TMEM132D: variants seen among roughly 807,000 people sequenced by gnomAD.
TMEM132D encodes the protein transmembrane protein 132D, also known as mature OL transmembrane protein.
TMEM132D carries 21 observed loss-of-function variants against 62.3 expected under a neutral mutation model. The observed-to-expected ratio is 0.34, with a 90% CI of 0.24 to 0.49. The LOEUF (loss-of-function observed/expected upper bound fraction) is 0.49, where lower values mean the gene tolerates loss of function less well. Ranked by LOEUF, TMEM132D falls within the 20% of genes least tolerant of loss-of-function variation. TMEM132D has a pLI of 0.99. For missense variants in TMEM132D, 1,346 were observed against 1,402.8 expected (o/e 0.96, Z 0.65); for synonymous variants, 621 against 575.6 (o/e 1.08, Z -1.13).
chr12:129,154,187 G>C (rs1350673763), intron 5 of TMEM132D, among the ~76,000 whole-genome samples: 1 of 152,154 alleles, frequency 6.6e-6, no homozygotes, highest in Non-Finnish European at 1.5e-5. Flanking sequence ...ATGTGAGGTG[G>C]TGCATTTGTG....
chr12:129,871,371 A>G (rs1023688726), intron 1 of TMEM132D, among the ~76,000 whole-genome samples: 3 of 152,094 alleles, frequency 2.0e-5, no homozygotes, highest in Non-Finnish European at 2.9e-5. Context: ...AAATAAAATA[A>G]GGCAAGCTGT....
At chr12:129,531,325 T>C in intron 2 of TMEM132D, 120 bp from the exon 3 acceptor site, 1 of 1,215,704 alleles carries the variant, frequency 8.2e-7, no homozygotes, top group South Asian at 2.3e-5. Context: ...AGCTCATGTA[T>C]ACTAGGATTT....
intron 5 of TMEM132D, among the ~76,000 whole-genome samples, chr12:129,153,302 A>G (rs1402699804): frequency 6.6e-6 from 1 of 152,180 alleles, no homozygotes; most frequent in Non-Finnish European, 1.5e-5. Flanking sequence ...TTCTTCGGGG[A>G]GTTGCTGCTC....
intron 2 of TMEM132D, among the ~76,000 whole-genome samples, chr12:129,689,439 G>T (rs552439871): frequency 2.8e-5 from 4 of 142,950 alleles, no homozygotes; most frequent in Admixed American, 2.8e-4. Flanking sequence ...TGGCTTCCCT[G>T]CCTCTCTAAG....
chr12:129,761,045 A>G (rs1346429241), intron 1 of TMEM132D, among the ~76,000 whole-genome samples: 2 of 151,962 alleles, frequency 1.3e-5, no homozygotes, highest in Admixed American at 6.6e-5. Flanking sequence ...AAAAGAAAAA[A>G]AAAACAGGCG....
intron 2 of TMEM132D, among the ~76,000 whole-genome samples, chr12:129,539,435 C>T (rs1200492912): frequency 4.9e-5 from 7 of 142,670 alleles, no homozygotes; most frequent in Non-Finnish European, 1.5e-5. Flanking sequence ...GACGGAGTCT[C>T]ACTCTGTCAC....
chr12:129,710,982 AC>A (rs1355698218), intron 1 of TMEM132D, among the ~76,000 whole-genome samples: 2 of 150,042 alleles, frequency 1.3e-5, no homozygotes, highest in East Asian at 2.0e-4. Context: ...CCTCTCCCCT[AC>A]CCACGCGCAT....
Position 129,294,266 on chromosome 12 carries a change from G to A in TMEM132D, c.1299+43368C>T, listed in dbSNP as rs181994263. Among the ~76,000 whole-genome samples the A allele has an allele frequency of 5.3e-5, 8 of 152,290 alleles. No individual in the cohort carries two copies. In the East Asian group the frequency reaches 1.5e-3, roughly 29 times the overall value. ...TAATCAATGGCTGGCAGGTCTTTAT[G>A]TCTGTCCCCTAATCTGTAAAACAAG... On this transcript the variant is annotated intron_variant, in intron 4 of 8. Coordinates refer to ENST00000422113, the MANE Select transcript of TMEM132D (RefSeq NM_133448.3).
chr12:129,139,758 C>G (rs1469059624), intron 5 of TMEM132D, among the ~76,000 whole-genome samples: 1 of 152,144 alleles, frequency 6.6e-6, no homozygotes, highest in Non-Finnish European at 1.5e-5. Flanking sequence ...GTAGTGTGAT[C>G]ACAGATCTCT....
chr12:129,261,470 T>C (rs1316719573), intron 4 of TMEM132D, among the ~76,000 whole-genome samples: 2 of 152,252 alleles, frequency 1.3e-5, no homozygotes, highest in Non-Finnish European at 2.9e-5. Context: ...TCCGCCATGA[T>C]TGTGAGGCCT....
At chr12:129,472,751 A>G (rs888603013) in intron 3 of TMEM132D, among the ~76,000 whole-genome samples, 1 of 152,222 alleles carries the variant, frequency 6.6e-6, no homozygotes, top group Admixed American at 6.5e-5. Flanking sequence ...CGGATTCTTC[A>G]ATTTTGAAAG....
chr12:129,682,119 G>A (rs1880792660), intron 2 of TMEM132D, among the ~76,000 whole-genome samples: 1 of 152,110 alleles, frequency 6.6e-6, no homozygotes, highest in Non-Finnish European at 1.5e-5. Context: ...TAAGTCAGAG[G>A]TAATCTGCTA....
chr12:129,098,127 C>T (rs907425243), intron 5 of TMEM132D, among the ~76,000 whole-genome samples: 1 of 152,164 alleles, frequency 6.6e-6, no homozygotes, highest in African/African-American at 2.4e-5. Flanking sequence ...AGAGGACTGA[C>T]GTGACTCAAG....
intron 5 of TMEM132D, chr12:129,110,344 C>G (rs1463700554): frequency 6.6e-6 from 1 of 151,980 alleles, no homozygotes; most frequent in African/African-American, 2.4e-5. Context: ...TGTCTACCCT[C>G]CCTCCCGACC....
Position 129,088,048 on chromosome 12 carries a change from C to T in TMEM132D, c.1444-3346G>A, listed in dbSNP as rs1428439649. Among the ~76,000 whole-genome samples, 13 of 58,090 alleles carry T rather than the reference C, an allele frequency of 2.2e-4. 2 individuals are homozygous for T. Among genetic ancestry groups the T allele is most frequent in the Non-Finnish European group, 4.1e-4 (13 of 31,810 alleles). 38.1% of individuals were successfully genotyped at this position (58,090 alleles called of 152,430 possible). Reference sequence around the variant, plus strand: ...CCATGACCGGGGTGTCCTCTATGACCGGGTGTCCTCCATGACCGGGGTGTC... The same window carrying T: ...CCATGACCGGGGTGTCCTCTATGACTGGGTGTCCTCCATGACCGGGGTGTC... On this transcript the variant is annotated intron_variant, in intron 5 of 8. Coordinates refer to ENST00000422113, the MANE Select transcript of TMEM132D (RefSeq NM_133448.3).
intron 2 of TMEM132D, among the ~76,000 whole-genome samples, chr12:129,694,228 C>T (rs574377732): frequency 6.6e-5 from 10 of 152,294 alleles, no homozygotes; most frequent in African/African-American, 1.7e-4. Context: ...TACGCACCCT[C>T]GATGTGATAA....
intron 5 of TMEM132D, among the ~76,000 whole-genome samples, chr12:129,142,334 T>C (rs1210935073): frequency 6.6e-6 from 1 of 152,176 alleles, no homozygotes; most frequent in South Asian, 2.1e-4. Context: ...AATAAGATCA[T>C]ATCCCCCAAA....
At chr12:129,767,730 T>C (rs1056356684) in intron 1 of TMEM132D, among the ~76,000 whole-genome samples, 4 of 152,238 alleles carry the variant, frequency 2.6e-5, no homozygotes, top group African/African-American at 9.6e-5. Context: ...CTTTATCCAT[T>C]CATCCATCAA....
intron 2 of TMEM132D, among the ~76,000 whole-genome samples, chr12:129,620,165 G>T (rs1879026673): frequency 6.6e-6 from 1 of 152,204 alleles, no homozygotes; most frequent in African/African-American, 2.4e-5. Context: ...CAACTTGGAA[G>T]GTCACCACAG....
Sources: allele counts gnomAD v4.1 joint callset (sites outside exome capture counted in the v4.1 genomes callset), GRCh38; gene constraint gnomAD v4.1.1; transcripts MANE v1.5; gene names NCBI Gene and HGNC (gene_info 2026-07-23, HGNC 2026-07-21).